Variants in ALDH6A1 observed in about 807,000 individuals in gnomAD.
ALDH6A1 encodes methylmalonate-semialdehyde/malonate-semialdehyde dehydrogenase [acylating], mitochondrial.
Under a neutral mutation model 62.6 loss-of-function variants are expected in ALDH6A1, and 43 were observed. The ratio of observed to expected loss-of-function variants is 0.69; its 90% CI spans 0.54 to 0.89. The LOEUF is 0.89. Ranked by LOEUF, ALDH6A1 falls within the 40% of genes least tolerant of loss-of-function variation. ALDH6A1 has a pLI of 0.00. For synonymous variants in ALDH6A1, 194 were observed against 234.2 expected (o/e 0.83, Z 1.57); for missense variants, 551 against 661.3 (o/e 0.83, Z 1.83).
At position 74,060,066 on chromosome 14, in the gene ALDH6A1, A is replaced by T. The variant is rs1251004724; in HGVS notation, c.*576T>A. 1 of 157,696 alleles carries T rather than the reference A, an allele frequency of 6.3e-6. No individual in the cohort carries two copies. Among genetic ancestry groups the T allele is most frequent in the African/African-American group, 2.4e-5 (1 of 41,484 alleles). 9.8% of individuals were successfully genotyped at this position (157,696 alleles called of 1,614,324 possible). On this transcript the variant is annotated 3_prime_UTR_variant, in exon 12 of 12. Transcript: ENST00000553458. ...TAGGTAGCGCTATGTTTGAGGATCA[A>T]CCAAAAGCGGTGAGTTATTTCTGTC... is the stretch of plus-strand genomic sequence containing the variant.
rs2060294333 is a variant in ALDH6A1, at chr14:74,059,559, G to A, written c.*1083C>T. 2 of 322,148 alleles carry A rather than the reference G, an allele frequency of 6.2e-6. No individual in the cohort carries two copies. The highest frequency in any genetic ancestry group is 2.2e-5 in the African/African-American group (1 of 44,896). The allele number at this position is 322,148 out of a possible 1,614,324, so 20.0% of individuals were successfully genotyped here. ...AAAAATACAAAATTAGCTGGGTGTG[G>A]TGGCGCATGCCTGTAATCCCAGCTA... On this transcript the variant is annotated 3_prime_UTR_variant, in exon 12 of 12. Coordinates refer to ENST00000553458, the MANE Select transcript of ALDH6A1 (RefSeq NM_005589.4).
At chr14:74,074,379 C>T (rs531674606) in intron 2 of ALDH6A1, among the ~76,000 whole-genome samples, 2 of 151,866 alleles carry the variant, frequency 1.3e-5, no homozygotes, top group South Asian at 2.1e-4. Flanking sequence ...CTCCGCCTCC[C>T]GAATTCAAGC....
intron 1 of ALDH6A1, among the ~76,000 whole-genome samples, chr14:74,079,004 C>A (rs1225626823): frequency 6.6e-6 from 1 of 151,726 alleles, no homozygotes; most frequent in Non-Finnish European, 1.5e-5. Flanking sequence ...TGGTCCTAGG[C>A]CTTCTTTTCT....
Position 74,059,485 on chromosome 14 carries a change from C to A in ALDH6A1, c.*1157G>T, listed in dbSNP as rs4646866. 2 of 432,540 alleles carry A rather than the reference C, an allele frequency of 4.6e-6. No homozygotes were observed. The highest frequency in any genetic ancestry group is 7.5e-5 in the East Asian group (1 of 13,410). The allele number at this position is 432,540 out of a possible 1,614,324, so 26.8% of individuals were successfully genotyped here. The stretch of plus-strand genomic sequence containing the variant: ...CCGAGGCAGGCGGATCACCTGAGGT[C>A]AGGAGTTCGAGACCAGCCTGACCAA... On this transcript the variant is annotated 3_prime_UTR_variant, in exon 12 of 12. Coordinates refer to ENST00000553458, the MANE Select transcript of ALDH6A1 (RefSeq NM_005589.4).
At chr14:74,066,653 T>A in intron 9 of ALDH6A1, 52 bp downstream of exon 9, 1 of 1,503,426 alleles carries the variant, frequency 6.7e-7, no homozygotes, top group Non-Finnish European at 9.3e-7. Flanking sequence ...TGAGATTCTA[T>A]AGCCTTTAAG....
chr14:74,082,474 ACTGCAAC>A (rs2060680125), intron 1 of ALDH6A1, among the ~76,000 whole-genome samples: 3 of 131,564 alleles, frequency 2.3e-5, no homozygotes, highest in Non-Finnish European at 4.6e-5. Context: ...ATCTCAGCTC[ACTGCAAC>A]CTCCGTCTTC....
intron 9 of ALDH6A1, chr14:74,066,125 G>A (rs2060460109): frequency 1.3e-5 from 2 of 155,296 alleles, no homozygotes; most frequent in Non-Finnish European, 2.9e-5. Flanking sequence ...ATATTGGGTG[G>A]TTGATATATT....
chr14:74,069,150 G>A (rs371565394), intron 6 of ALDH6A1, 169 bp from the exon 7 acceptor site: 2 of 669,756 alleles, frequency 3.0e-6, no homozygotes, highest in African/African-American at 2.0e-5. Flanking sequence ...TGTTGCCCAG[G>A]CTGGAGTGCA....
chr14:74,057,712 C>T lies in ALDH6A1; in HGVS notation c.*2930G>A, dbSNP rs1481807084. The T allele has an allele frequency of 1.6e-6, 2 of 1,215,190 alleles. No homozygotes were observed. The highest frequency in any genetic ancestry group is 2.1e-6 in the Non-Finnish European group (2 of 961,250). The allele number at this position is 1,215,190 out of a possible 1,614,324, so 75.3% of individuals were successfully genotyped here. On this transcript the variant is annotated 3_prime_UTR_variant, in exon 12 of 12. Transcript: ENST00000553458. ...TATAATTTGTTATTCATAATTAGTA[C>T]AATGTAGAATCTGAGAAATTTCAAA...
At chr14:74,068,120 C>T (rs1230832776) in intron 7 of ALDH6A1, among the ~76,000 whole-genome samples, 30 of 150,474 alleles carry the variant, frequency 2.0e-4, no homozygotes, top group Admixed American at 1.7e-3. Context: ...CATGGTGGCT[C>T]ATGCCTGTAA....
Position 74,084,452 on chromosome 14 carries a change from C to T in ALDH6A1, c.-58G>A, listed in dbSNP as rs747998023. ...CCTCTACTGCCCAGAAGCACTACAG[C>T]TGCCAGGCCTCGCCCTCCATCCTGC... On this transcript the variant is annotated 5_prime_UTR_variant, in exon 1 of 12. Coordinates refer to ENST00000553458, the MANE Select transcript of ALDH6A1 (RefSeq NM_005589.4). 3.1e-6 allele frequency: 5 copies of T among 1,595,736 alleles called. No individual in the cohort carries two copies. The highest frequency in any genetic ancestry group is 1.1e-5 in the South Asian group (1 of 88,770).
At position 74,059,285 on chromosome 14, in the gene ALDH6A1, T is replaced by C. The variant is rs1595099735; in HGVS notation, c.*1357A>G. ...GGCAAGAGAAAAGAATATATAAAAT[T>C]TGGCAAGTAATAGCAGGTTAGATTT... is the stretch of plus-strand genomic sequence containing the variant. On this transcript the variant is annotated 3_prime_UTR_variant, in exon 12 of 12. Coordinates refer to ENST00000553458, the MANE Select transcript of ALDH6A1 (RefSeq NM_005589.4). 1 of 408,654 alleles carries C rather than the reference T, an allele frequency of 2.4e-6. No individual in the cohort carries two copies. The highest frequency in any genetic ancestry group is 7.5e-5 in the East Asian group (1 of 13,286). The allele number at this position is 408,654 out of a possible 1,614,324, so 25.3% of individuals were successfully genotyped here.
rs2060481234 is a variant in ALDH6A1 at position 74,067,233 on chromosome 14, G to C, written c.1042+147C>G. The C allele has an allele frequency of 2.1e-5, 21 of 991,526 alleles. No homozygotes were observed. The South Asian group carries it at 2.7e-4, about 13-fold the overall frequency. 61.4% of individuals were successfully genotyped at this position (991,526 alleles called of 1,614,324 possible). On this transcript the variant is annotated intron_variant, in intron 8 of 11. Transcript: ENST00000553458. ...CTTTAAAAAAAAAGACTGCTAACAA[G>C]ATGACTCCAAATGACAAGTACAGTA...
intron 1 of ALDH6A1, among the ~76,000 whole-genome samples, chr14:74,081,801 A>G (rs1002462389): frequency 6.6e-6 from 1 of 152,202 alleles, no homozygotes; most frequent in Non-Finnish European, 1.5e-5. Flanking sequence ...AGCCTATGTC[A>G]GTGCCTAACA....
chr14:74,078,255 T>C, intron 1 of ALDH6A1: 1 of 455,970 alleles, frequency 2.2e-6, no homozygotes, highest in Non-Finnish European at 4.4e-6. Context: ...CCTACAAAAC[T>C]GAACTCAACC....
At chr14:74,076,325 T>C (rs1373389462) in intron 1 of ALDH6A1, among the ~76,000 whole-genome samples, 1 of 152,174 alleles carries the variant, frequency 6.6e-6, no homozygotes, top group Non-Finnish European at 1.5e-5. Flanking sequence ...AAGATAACTC[T>C]CAAATTGTAA....
rs2139723922 is a variant in ALDH6A1 at position 74,060,571 on chromosome 14, C to A, written c.*71G>T. Reference sequence around the variant, plus strand: ...TCCCATCGATCTGATCTGAGCAAAGCTGACAAATGAAGCTGGTCAAAAATA... The same window carrying A: ...TCCCATCGATCTGATCTGAGCAAAGATGACAAATGAAGCTGGTCAAAAATA... On this transcript the variant is annotated 3_prime_UTR_variant, in exon 12 of 12. Coordinates refer to ENST00000553458, the MANE Select transcript of ALDH6A1 (RefSeq NM_005589.4). 11 of 1,119,278 alleles carry A rather than the reference C, an allele frequency of 9.8e-6. No homozygotes were observed. In the South Asian group the frequency reaches 1.1e-4, roughly 11 times the overall value. The allele number at this position is 1,119,278 out of a possible 1,614,324, so 69.3% of individuals were successfully genotyped here. A position where few individuals can be genotyped will look rare whatever the true frequency, so the allele number is the denominator to read the frequency against.
At chr14:74,066,605 C>T (rs771690045) in intron 9 of ALDH6A1, 100 bp downstream of exon 9, 6 of 1,199,168 alleles carry the variant, frequency 5.0e-6, no homozygotes, top group Non-Finnish European at 7.3e-6. Flanking sequence ...GAGATAAGGT[C>T]TTAGTCATTA....
intron 1 of ALDH6A1, chr14:74,078,346 T>A (rs531109492): frequency 6.3e-5 from 27 of 431,186 alleles, no homozygotes; most frequent in African/African-American, 5.4e-4. Flanking sequence ...GTGGACTGGA[T>A]GAAGAGGTAT....
Sources: gnomAD v4.1 joint callset for allele counts (sites outside exome capture counted in the v4.1 genomes callset) on GRCh38, gnomAD v4.1.1 for gene constraint, MANE v1.5 for transcripts, NCBI Gene and HGNC (gene_info 2026-07-23, HGNC 2026-07-21) for gene names.